ELAC2: variants seen among roughly 807,000 people sequenced by gnomAD.
The protein encoded by ELAC2 is elaC ribonuclease Z 2, also known as zinc phosphodiesterase ELAC protein 2.
In ELAC2, 92 loss-of-function variants were observed where a neutral mutation model predicts 105.2. The ratio of observed to expected loss-of-function variants is 0.87; its 90% CI spans 0.74 to 1.04. The LOEUF is 1.04. ELAC2 is among the 50% of genes least tolerant of loss of function. The pLI is 0.00. For missense variants in ELAC2, 1,099 were observed against 1,071.7 expected (o/e 1.03, Z -0.36); for synonymous variants, 468 against 409.1 (o/e 1.14, Z -1.74).
Position 13,017,734 on chromosome 17 carries a change from C to A in ELAC2, c.214G>T (p.Ala72Ser). The A allele has an allele frequency of 6.2e-7, 1 of 1,612,420 alleles. No homozygotes were observed. Among genetic ancestry groups the A allele is most frequent in the South Asian group, 1.1e-5 (1 of 90,962 alleles). The change falls in exon 1 of 24, where the codon GCC becomes TCC. Residue 72 changes from alanine (A) to serine (S), a missense_variant. By Grantham distance (99) the Ala-to-Ser change is moderately conservative (BLOSUM62 1). Transcript: ENST00000338034. ...AACTCGGAGAAGACGTAGAGCGCGGCGCCCGAGTCCCGGCTACCCGCTGCC... is the reference window on the plus strand; with the variant it reads ...AACTCGGAGAAGACGTAGAGCGCGGAGCCCGAGTCCCGGCTACCCGCTGCC... ...VVAAGSRDSG[A>S]ALYVFSEFNR...
In ELAC2 at chr17:13,000,230, G is replaced by A. The variant is rs759926685; in HGVS notation, c.1349C>T (p.Ala450Val). The A allele has an allele frequency of 6.2e-7, 1 of 1,614,098 alleles. No individual in the cohort carries two copies. Among genetic ancestry groups the A allele is most frequent in the South Asian group, 1.1e-5 (1 of 91,074 alleles). Reference protein sequence around the residue: ...TCNPEEFIVEALQLPNFQQSV... With the variant: ...TCNPEEFIVEVLQLPNFQQSV... The stretch of plus-strand genomic sequence containing the variant: ...CTGCTGGAAGTTGGGAAGCTGCAGC[G>A]CCTCAACTATGAATTCCTCAGGATT... Residue 450 changes from alanine (A) to valine (V), a missense_variant, in exon 15 of 24, where the codon GCG becomes GTG. Transcript: ENST00000338034.
intron 1 of ELAC2, 182 bp downstream of exon 1, chr17:13,017,521 C>T (rs956313143): frequency 2.4e-6 from 3 of 1,260,914 alleles, no homozygotes; most frequent in Non-Finnish European, 3.2e-6. Flanking sequence ...CTTCACAGAT[C>T]CGCAGAAATC....
chr17:13,003,656 T>G, intron 11 of ELAC2, 82 bp from the exon 12 acceptor site: 1 of 1,254,324 alleles, frequency 8.0e-7, no homozygotes, highest in Non-Finnish European at 1.2e-6. Flanking sequence ...GGGAGGGGTA[T>G]CGTGCGGCCC....
chr17:12,992,590 G>A lies in ELAC2; in HGVS notation c.*228C>T, dbSNP rs2040238810. 3 of 579,474 alleles carry A rather than the reference G, an allele frequency of 5.2e-6. No homozygotes were observed. The highest frequency in any genetic ancestry group is 1.9e-5 in the African/African-American group (1 of 53,624). The allele number at this position is 579,474 out of a possible 1,614,324, so 35.9% of individuals were successfully genotyped here. On this transcript the variant is annotated 3_prime_UTR_variant, in exon 24 of 24. Transcript: ENST00000338034. Reference sequence around the variant, plus strand: ...GAAATTAGTTCATCTGCTTGCTTCCGTGTGGCAGCCTCCTGGCCCGCGGCT... The same window carrying A: ...GAAATTAGTTCATCTGCTTGCTTCCATGTGGCAGCCTCCTGGCCCGCGGCT...
chr17:13,015,735 T>C (rs753961455), intron 4 of ELAC2, 33 bp downstream of exon 4: 15 of 1,583,186 alleles, frequency 9.5e-6, no homozygotes, highest in Non-Finnish European at 1.2e-5. Flanking sequence ...AAAGGAAAGA[T>C]TGCTTTTGAA....
chr17:13,016,016 C>T (rs1357095891), intron 3 of ELAC2, among the ~76,000 whole-genome samples, 184 bp from the exon 4 acceptor site: 2 of 152,240 alleles, frequency 1.3e-5, no homozygotes, highest in Non-Finnish European at 2.9e-5. Flanking sequence ...ACCAAATATT[C>T]TTTAAATGCC....
chr17:13,004,730 A>C (rs1008438168), intron 11 of ELAC2, among the ~76,000 whole-genome samples: 1 of 152,236 alleles, frequency 6.6e-6, no homozygotes, highest in African/African-American at 2.4e-5. Context: ...TTCTTCTGGT[A>C]TAAGAGCTGT....
intron 6 of ELAC2, among the ~76,000 whole-genome samples, chr17:13,012,836 A>G (rs775655627): frequency 1.3e-5 from 2 of 152,168 alleles, no homozygotes; most frequent in Non-Finnish European, 2.9e-5. Flanking sequence ...AGGTTGCTGT[A>G]ATCATTATTT....
rs1192804020 is a variant in ELAC2, at chr17:13,017,497, C to A, written c.245+206G>T. 33 of 1,116,844 alleles carry A rather than the reference C, an allele frequency of 3.0e-5. No homozygotes were observed. The South Asian group carries it at 4.3e-4, about 14-fold the overall frequency. The allele number at this position is 1,116,844 out of a possible 1,614,324, so 69.2% of individuals were successfully genotyped here. ...AGGGTTGGGAAAAGGACGCTCAGAC[C>A]CAGGCCTGAAGTTCTTCACAGATCC... On this transcript the variant is annotated intron_variant, in intron 1 of 23. Transcript: ENST00000338034.
chr17:12,999,405 G>A (rs955853039), intron 15 of ELAC2, among the ~76,000 whole-genome samples: 2 of 152,200 alleles, frequency 1.3e-5, no homozygotes. Context: ...TAAGAGGCAG[G>A]GTCAGGATTC....
In ELAC2 at chr17:13,005,769, G is replaced by A. The variant is rs774821747; in HGVS notation, c.854C>T (p.Thr285Ile). Residue 285 changes from threonine to isoleucine, a missense_variant, in exon 10 of 24, where the codon ACT becomes ATT. Transcript: ENST00000338034. ...IAAVKDGKSI[T>I]HEGREILAEE... is the part of the protein sequence containing the mutation. ...GCATCTCACCTCTCTTCCTTCATGA[G>A]TGATGCTTTTCCCGTCCTTGACAGC... 2 of 1,614,166 alleles carry A rather than the reference G, an allele frequency of 1.2e-6. No individual in the cohort carries two copies. The highest frequency in any genetic ancestry group is 3.3e-5 in the Admixed American group (2 of 60,022).
At chr17:12,998,079 C>G (rs1294497178) in intron 16 of ELAC2, among the ~76,000 whole-genome samples, 1 of 152,150 alleles carries the variant, frequency 6.6e-6, no homozygotes, top group East Asian at 1.9e-4. Flanking sequence ...TATCAGGTCA[C>G]TCATCAACAA....
At position 12,993,578 on chromosome 17, in the gene ELAC2, C is replaced by A. The variant is rs1029736917; in HGVS notation, c.2253+109G>T. 8 of 1,531,570 alleles carry A rather than the reference C, an allele frequency of 5.2e-6. No homozygotes were observed. The Admixed American group carries it at 8.9e-5, about 17-fold the overall frequency. The allele number at this position is 1,531,570 out of a possible 1,614,324, so 94.9% of individuals were successfully genotyped here. ...GTGATGGGTAGATAACCTTTTCCCA[C>A]GGTGGCCCCAAATAAGAAAGCAAAC... On this transcript the variant is annotated intron_variant, in intron 23 of 23. Coordinates refer to ENST00000338034, the MANE Select transcript of ELAC2 (RefSeq NM_018127.7).
At chr17:13,011,615 T>G (rs1247201465) in intron 7 of ELAC2, 48 bp downstream of exon 7, 1 of 1,614,058 alleles carries the variant, frequency 6.2e-7, no homozygotes, top group East Asian at 2.2e-5. Flanking sequence ...GGCAGAGAAT[T>G]AAGAAAACGC....
chr17:12,996,078 C>T (rs952096482), intron 17 of ELAC2, 100 bp from the exon 18 acceptor site: 34 of 1,313,170 alleles, frequency 2.6e-5, no homozygotes, highest in East Asian at 5.0e-5. Context: ...GCCAGCCCGA[C>T]GTCACCCACC....
At chr17:13,010,281 T>C (rs143874500) in intron 8 of ELAC2, among the ~76,000 whole-genome samples, 13,019 of 152,188 alleles carry the variant, frequency 0.086, 773 homozygotes, top group Middle Eastern at 0.2. Context: ...AGCGATTCTC[T>C]TGCCTTGGCC....
In ELAC2 at chr17:13,005,966, CTCTT is replaced by C; in HGVS notation, c.748_751del (p.Lys250GlufsTer59). ...TGCTTTGAGCACCAAGAAGTTTCCT[CTCTT>C]TAAGTGAAGCTGCAACAAAGAGAAC... On this transcript the variant is annotated frameshift_variant, in exon 9 of 24. Coordinates refer to ENST00000338034, the MANE Select transcript of ELAC2 (RefSeq NM_018127.7). LOFTEE classifies it high-confidence loss of function. 6.2e-7 allele frequency: 1 copy of C among 1,614,186 alleles called. No individual in the cohort carries two copies. Among genetic ancestry groups the C allele is most frequent in the Non-Finnish European group, 8.5e-7 (1 of 1,180,048 alleles).
chr17:13,002,391 A>T, intron 13 of ELAC2, 32 bp from the exon 14 acceptor site: 2 of 1,614,134 alleles, frequency 1.2e-6, no homozygotes, highest in Non-Finnish European at 1.7e-6. Context: ...CATGGAGAGA[A>T]AGAGAGGGGA....
chr17:13,014,266 C>A (rs2041596941), intron 5 of ELAC2, among the ~76,000 whole-genome samples, 173 bp downstream of exon 5: 1 of 130,540 alleles, frequency 7.7e-6, no homozygotes, highest in South Asian at 2.4e-4. Flanking sequence ...GCACTCCAGC[C>A]TGGTAAGAAA....
Sources: gnomAD v4.1 joint callset for allele counts (sites outside exome capture counted in the v4.1 genomes callset) on GRCh38, gnomAD v4.1.1 for gene constraint, MANE v1.5 for transcripts, NCBI Gene and HGNC (gene_info 2026-07-23, HGNC 2026-07-21) for gene names.